The following FBXW8 variants were observed in gnomAD, a reference collection of about 807,000 sequenced individuals.
FBXW8 encodes the protein F-box/WD repeat-containing protein 8.
FBXW8 carries 57 observed loss-of-function variants against 65.3 expected under a neutral mutation model. That is an observed-to-expected ratio of 0.87 (90% CI 0.71 to 1.09). The LOEUF is 1.09. Among genes scored for constraint, FBXW8 ranks in the 50% least tolerant of loss-of-function variants. FBXW8 has a pLI of 0.00. For synonymous variants in FBXW8, 308 were observed against 330.2 expected (o/e 0.93, Z 0.73); for missense variants, 777 against 814.8 (o/e 0.95, Z 0.57).
intron 1 of FBXW8, among the ~76,000 whole-genome samples, chr12:116,920,717 C>T (rs913555455): frequency 2.6e-5 from 4 of 152,182 alleles, no homozygotes; most frequent in African/African-American, 9.7e-5. Flanking sequence ...AGGACCCGCA[C>T]TTAGTTTAAT....
intron 5 of FBXW8, among the ~76,000 whole-genome samples, chr12:116,967,804 T>C (rs1884417527): frequency 6.6e-6 from 1 of 152,234 alleles, no homozygotes; most frequent in South Asian, 2.1e-4. Flanking sequence ...TCTGGCTTTG[T>C]CATCCAGACT....
chr12:116,973,612 C>T (rs1033522649), intron 5 of FBXW8, among the ~76,000 whole-genome samples: 2 of 152,172 alleles, frequency 1.3e-5, no homozygotes, highest in Admixed American at 6.5e-5. Flanking sequence ...ATCACACAAG[C>T]CCAAACTGAG....
At chr12:116,942,506 C>G (rs1882659275) in intron 2 of FBXW8, among the ~76,000 whole-genome samples, 1 of 151,400 alleles carries the variant, frequency 6.6e-6, no homozygotes, top group Non-Finnish European at 1.5e-5. Context: ...TCCCGAGTAG[C>G]TGGGATTACA....
chr12:116,981,860 C>T (rs1002948472), intron 5 of FBXW8, among the ~76,000 whole-genome samples: 1 of 152,092 alleles, frequency 6.6e-6, no homozygotes, highest in Non-Finnish European at 1.5e-5. Context: ...GTGATACGCC[C>T]ACCGCAGCCT....
intron 3 of FBXW8, among the ~76,000 whole-genome samples, chr12:116,948,320 C>T (rs1262773050): frequency 2.0e-5 from 3 of 152,188 alleles, no homozygotes; most frequent in Non-Finnish European, 4.4e-5. Context: ...CTTCACACAG[C>T]TGACTCCCAG....
Position 117,028,421 on chromosome 12 carries a change from C to T in FBXW8, c.*249C>T. On this transcript the variant is annotated 3_prime_UTR_variant, in exon 11 of 11. Transcript: ENST00000652555. The surrounding 1 kb of genome is among the most constrained non-coding windows in gnomAD (Gnocchi z 4.1). Reference sequence around the variant, plus strand: ...ATAGCCTCCTTCCCCACCCAGCTGGCCACCCTGGCCTCAGCTCCCTCAGGA... The same window carrying T: ...ATAGCCTCCTTCCCCACCCAGCTGGTCACCCTGGCCTCAGCTCCCTCAGGA... 1.9e-6 allele frequency: 1 copy of T among 534,662 alleles called. No individual in the cohort carries two copies. Among genetic ancestry groups the T allele is most frequent in the Non-Finnish European group, 3.4e-6 (1 of 297,692 alleles). 33.1% of individuals were successfully genotyped at this position (534,662 alleles called of 1,614,324 possible).
chr12:117,026,079 C>A (rs966983731), intron 9 of FBXW8, among the ~76,000 whole-genome samples: 1 of 152,248 alleles, frequency 6.6e-6, no homozygotes, highest in African/African-American at 2.4e-5. Flanking sequence ...GCAGTGCCTG[C>A]TGCCAGGCCC....
At chr12:116,963,015 G>A (rs1460885264) in intron 4 of FBXW8, among the ~76,000 whole-genome samples, 4 of 152,196 alleles carry the variant, frequency 2.6e-5, no homozygotes, top group South Asian at 2.1e-4. Context: ...TTGCTTGCAC[G>A]TCGCTGGGCT....
intron 2 of FBXW8, among the ~76,000 whole-genome samples, chr12:116,934,547 G>A (rs1221432767): frequency 6.6e-6 from 1 of 152,210 alleles, no homozygotes; most frequent in Non-Finnish European, 1.5e-5. Context: ...TAGGAGAAAA[G>A]TAAGTCTGCC....
At position 116,911,198 on chromosome 12, in the gene FBXW8, C is replaced by A; in HGVS notation, c.161C>A (p.Ala54Glu). The A allele has an allele frequency of 7.8e-7, 1 of 1,282,336 alleles. No homozygotes were observed. The highest frequency in any genetic ancestry group is 9.8e-7 in the Non-Finnish European group (1 of 1,020,120). 79.4% of individuals were successfully genotyped at this position (1,282,336 alleles called of 1,614,324 possible). Residue 54 changes from alanine (A) to glutamate (E), a missense_variant, in exon 1 of 11, where the codon GCG becomes GAG. Physicochemically the swap from Ala to Glu is moderately radical, Grantham distance 107 (BLOSUM62 -1). Transcript: ENST00000652555. ...GRGEQASGDP[A>E]LAQRLLEGAG... is the part of the protein sequence containing the mutation. ...GGCGAACAGGCCTCGGGGGACCCGG[C>A]GCTGGCCCAGCGTCTCCTGGAGGGC...
At chr12:116,979,746 C>A (rs1885174226) in intron 5 of FBXW8, among the ~76,000 whole-genome samples, 1 of 149,408 alleles carries the variant, frequency 6.7e-6, no homozygotes, top group African/African-American at 2.5e-5. Context: ...TAAACTCTGG[C>A]CTTCAGGATG....
At chr12:116,984,996 T>TA (rs1046840710) in intron 5 of FBXW8, among the ~76,000 whole-genome samples, 1 of 151,984 alleles carries the variant, frequency 6.6e-6, no homozygotes, top group Non-Finnish European at 1.5e-5. Context: ...TTCTAAAAAA[T>TA]AAAAAAGTAA....
intron 5 of FBXW8, chr12:116,978,870 C>T (rs1352261904): frequency 6.6e-6 from 1 of 152,020 alleles, no homozygotes; most frequent in African/African-American, 2.4e-5. Context: ...AACATAATTA[C>T]CATTATGCTA....
chr12:116,965,825 C>T (rs998334515), intron 5 of FBXW8, among the ~76,000 whole-genome samples: 1 of 152,132 alleles, frequency 6.6e-6, no homozygotes, highest in African/African-American at 2.4e-5. Flanking sequence ...GTGGCACTAT[C>T]TCAGTTCACT....
At chr12:116,915,538 C>T (rs924938726) in intron 1 of FBXW8, among the ~76,000 whole-genome samples, 1 of 152,028 alleles carries the variant, frequency 6.6e-6, no homozygotes, top group Non-Finnish European at 1.5e-5. Context: ...GCCCTGTGTT[C>T]CCTTCCACCC....
chr12:116,971,948 T>G (rs1884673895), intron 5 of FBXW8, among the ~76,000 whole-genome samples: 1 of 152,224 alleles, frequency 6.6e-6, no homozygotes, highest in Non-Finnish European at 1.5e-5. Context: ...AAAGGCACCA[T>G]AGTATGCTAG....
At position 116,991,490 on chromosome 12, in the gene FBXW8, G is replaced by A. The variant is rs563179396; in HGVS notation, c.1239+2621G>A. Among the ~76,000 whole-genome samples the A allele has an allele frequency of 5.3e-5, 8 of 152,332 alleles. No homozygotes were observed. The East Asian group carries it at 1.2e-3, about 22-fold the overall frequency. ...ATAATTCCCAAATAGTCTCATGTGCGAGGCTTGGTGTCACTTTGCTTGCGA... is the reference window on the plus strand; with the variant it reads ...ATAATTCCCAAATAGTCTCATGTGCAAGGCTTGGTGTCACTTTGCTTGCGA... On this transcript the variant is annotated intron_variant, in intron 7 of 10. Coordinates refer to ENST00000652555, the MANE Select transcript of FBXW8 (RefSeq NM_153348.3).
Position 117,013,736 on chromosome 12 carries a change from TTTTA to T in FBXW8, c.1367+3306_1367+3309del, listed in dbSNP as rs571309697. Among the ~76,000 whole-genome samples, 219 of 152,028 alleles carry T rather than the reference TTTTA, an allele frequency of 1.4e-3. 1 individual carries two copies. The highest frequency in any genetic ancestry group is 3.9e-3 in the African/African-American group (163 of 41,464). On this transcript the variant is annotated intron_variant, in intron 8 of 10. Coordinates refer to ENST00000652555, the MANE Select transcript of FBXW8 (RefSeq NM_153348.3). ...CTTCTTGGAATCAGTGGTGTTTTCT[TTTTA>T]TTTATTTATTTATTTATTTTTTATT... is the stretch of plus-strand genomic sequence containing the variant.
intron 7 of FBXW8, among the ~76,000 whole-genome samples, chr12:116,992,459 T>C (rs1385977184): frequency 1.3e-5 from 2 of 152,164 alleles, no homozygotes; most frequent in South Asian, 2.1e-4. Flanking sequence ...TCAGTAGCTT[T>C]AGAGGGGTAG....
Sources: allele counts gnomAD v4.1 joint callset (sites outside exome capture counted in the v4.1 genomes callset), GRCh38; gene constraint gnomAD v4.1.1; non-coding constraint Gnocchi (gnomAD v3.1); transcripts MANE v1.5; gene names NCBI Gene and HGNC (gene_info 2026-07-23, HGNC 2026-07-21).